The following CDH20 variants were observed in gnomAD, a reference collection of about 807,000 sequenced individuals.
CDH20 encodes the protein cadherin-20.
A neutral mutation model predicts 74.2 loss-of-function variants in CDH20; 29 were observed. That is an observed-to-expected ratio of 0.39 (90% CI 0.29 to 0.53). CDH20 has a LOEUF of 0.53. CDH20 is among the 20% of genes least tolerant of loss of function. The pLI, the probability that CDH20 is intolerant of heterozygous loss-of-function variation, is 0.69. For missense variants in CDH20, 988 were observed against 1,048.3 expected (o/e 0.94, Z 0.79); for synonymous variants, 469 against 405.4 (o/e 1.16, Z -1.88).
chr18:61,521,333 G>A (rs1203000686), intron 6 of CDH20, among the ~76,000 whole-genome samples: 2 of 151,172 alleles, frequency 1.3e-5, no homozygotes, highest in Admixed American at 6.6e-5. Context: ...AGAAGAAATG[G>A]ATACATTCCT....
intron 1 of CDH20, among the ~76,000 whole-genome samples, chr18:61,455,636 G>C (rs183178361): frequency 5.3e-4 from 80 of 151,278 alleles, no homozygotes; most frequent in Admixed American, 5.2e-3. Flanking sequence ...CTATGTTTTG[G>C]GTTTCTTCAA....
chr18:61,478,439 T>C (rs1910468308), intron 1 of CDH20, among the ~76,000 whole-genome samples: 1 of 152,158 alleles, frequency 6.6e-6, no homozygotes, highest in African/African-American at 2.4e-5. Context: ...ATCTCAACAT[T>C]TTTCTTTTCT....
intron 1 of CDH20, among the ~76,000 whole-genome samples, chr18:61,466,802 G>T (rs1909977426): frequency 6.6e-6 from 1 of 152,160 alleles, no homozygotes; most frequent in Non-Finnish European, 1.5e-5. Flanking sequence ...ACAGGAGTTT[G>T]GGCTCAGCCT....
At chr18:61,544,943 C>T (rs1913183064) in intron 9 of CDH20, 84 bp from the exon 10 acceptor site, 3 of 848,376 alleles carry the variant, frequency 3.5e-6, no homozygotes, top group Non-Finnish European at 6.2e-6. Context: ...ATCCCACCAT[C>T]GCGTTTCCGG....
At chr18:61,373,155 T>G (rs530215349) in intron 1 of CDH20, among the ~76,000 whole-genome samples, 263 of 152,136 alleles carry the variant, frequency 1.7e-3, no homozygotes, top group African/African-American at 6.1e-3. Context: ...GAATGCATGA[T>G]TTAGAATAAA....
chr18:61,339,510 G>A (rs371787881), intron 1 of CDH20, among the ~76,000 whole-genome samples: 1 of 151,646 alleles, frequency 6.6e-6, no homozygotes, highest in South Asian at 2.1e-4. Context: ...TCCCACTTTT[G>A]AAGCCCCCAG....
chr18:61,378,051 A>G (rs1157230449), intron 1 of CDH20, among the ~76,000 whole-genome samples: 2 of 152,162 alleles, frequency 1.3e-5, no homozygotes, highest in Non-Finnish European at 2.9e-5. Flanking sequence ...TAGATTCCCA[A>G]GGGTCAACAG....
intron 6 of CDH20, among the ~76,000 whole-genome samples, chr18:61,525,726 T>C (rs142586826): frequency 0.016 from 2,455 of 152,276 alleles, 27 homozygotes; most frequent in South Asian, 0.051. Flanking sequence ...AAAAACTTTA[T>C]TAAAATTTGA....
chr18:61,522,295 T>A (rs981509624), intron 6 of CDH20, among the ~76,000 whole-genome samples: 1 of 152,196 alleles, frequency 6.6e-6, no homozygotes, highest in Non-Finnish European at 1.5e-5. Context: ...AGCCAAATCA[T>A]GAGTGAACTC....
At chr18:61,509,777 C>T (rs1911713811) in intron 6 of CDH20, among the ~76,000 whole-genome samples, 1 of 151,910 alleles carries the variant, frequency 6.6e-6, no homozygotes, top group South Asian at 2.1e-4. Context: ...TGCAGTAATC[C>T]AGGTAAGAGA....
chr18:61,546,297 A>G (rs1219857396), intron 10 of CDH20, among the ~76,000 whole-genome samples: 2 of 152,252 alleles, frequency 1.3e-5, no homozygotes, highest in Non-Finnish European at 2.9e-5. Flanking sequence ...CTTCAACCCC[A>G]CATGACAGTT....
At chr18:61,532,473 GATACA>G (rs1016081858) in intron 7 of CDH20, among the ~76,000 whole-genome samples, 40 of 151,276 alleles carry the variant, frequency 2.6e-4, no homozygotes, top group African/African-American at 6.6e-4. Flanking sequence ...CATTGTATTT[GATACA>G]ATACATTTTA....
At chr18:61,375,116 C>T (rs1202446967) in intron 1 of CDH20, among the ~76,000 whole-genome samples, 1 of 152,094 alleles carries the variant, frequency 6.6e-6, no homozygotes, top group Non-Finnish European at 1.5e-5. Context: ...GGCTAAGGGA[C>T]ATGTCTCATT....
intron 1 of CDH20, among the ~76,000 whole-genome samples, chr18:61,459,748 A>G (rs960184504): frequency 1.3e-5 from 2 of 152,064 alleles, no homozygotes; most frequent in African/African-American, 2.4e-5. Context: ...CCCTGTCTAC[A>G]CCACTCCAGG....
intron 1 of CDH20, among the ~76,000 whole-genome samples, chr18:61,356,938 G>C (rs752266795): frequency 4.6e-5 from 7 of 152,194 alleles, no homozygotes; most frequent in Admixed American, 2.0e-4. Context: ...AGTATTTAAA[G>C]AGTGTCTCCT....
chr18:61,413,265 A>C lies in CDH20; in HGVS notation c.-152-77137A>C, dbSNP rs1912571113. ...TTTATGAAATCCACATTCTGCTGTC[A>C]GTCTTCACACTAGGGGTTTTAGAAA... is the stretch of plus-strand genomic sequence containing the variant. On this transcript the variant is annotated intron_variant, in intron 1 of 11. Transcript: ENST00000262717. 2.0e-5 allele frequency among the ~76,000 whole-genome samples: 3 copies of C among 152,342 alleles called. No homozygotes were observed. The South Asian group carries it at 6.2e-4, about 32-fold the overall frequency.
intron 8 of CDH20, among the ~76,000 whole-genome samples, chr18:61,538,620 G>GTTTT (rs746315637): frequency 2.4e-4 from 10 of 41,534 alleles, no homozygotes; most frequent in Non-Finnish European, 3.0e-4. Context: ...TTTTGTTTTT[G>GTTTT]TTTTGTTTTT....
intron 2 of CDH20, among the ~76,000 whole-genome samples, chr18:61,497,627 G>A (rs1254244183): frequency 6.6e-6 from 1 of 152,142 alleles, no homozygotes; most frequent in East Asian, 1.9e-4. Context: ...TCCTATAATG[G>A]GAAAAGCACT....
intron 1 of CDH20, among the ~76,000 whole-genome samples, chr18:61,423,364 T>G (rs984310093): frequency 6.6e-6 from 1 of 152,086 alleles, no homozygotes; most frequent in East Asian, 1.9e-4. Flanking sequence ...CTCCTCTAAG[T>G]GTGTCTGAGG....
Sources: allele counts gnomAD v4.1 joint callset (sites outside exome capture counted in the v4.1 genomes callset), GRCh38; gene constraint gnomAD v4.1.1; transcripts MANE v1.5; gene names NCBI Gene and HGNC (gene_info 2026-07-23, HGNC 2026-07-21).